Variants in THSD7A observed in about 807,000 individuals in gnomAD.
THSD7A encodes the protein thrombospondin type-1 domain-containing protein 7A.
In THSD7A, 96 loss-of-function variants were observed where a neutral mutation model predicts 231.3. The observed-to-expected ratio is 0.41, with a 90% CI of 0.35 to 0.49. The LOEUF (loss-of-function observed/expected upper bound fraction) is 0.49, where lower values mean the gene tolerates loss of function less well. THSD7A is among the 20% of genes least tolerant of loss of function. The probability of loss-of-function intolerance (pLI) is 0.05; values close to 1 mark genes in which losing one functional copy is unlikely to be tolerated. For missense variants in THSD7A, 2,290 were observed against 2,070.2 expected (o/e 1.11, Z -2.06); for synonymous variants, 940 against 743.3 (o/e 1.26, Z -4.30).
chr7:11,462,191 A>G lies in THSD7A; in HGVS notation c.2369-48T>C, dbSNP rs374488770. On this transcript the variant is annotated intron_variant, in intron 9 of 27. Coordinates refer to ENST00000423059, the MANE Select transcript of THSD7A (RefSeq NM_015204.3). ...CCTCTGTACTTTACACTGATGAGAT[A>G]ATCTCTAAATACCAGTCTGTGTGAA... The G allele has an allele frequency of 2.4e-5, 38 of 1,599,742 alleles. No individual in the cohort carries two copies. The African/African-American group carries it at 4.7e-4, about 20-fold the overall frequency.
chr7:11,782,475 C>T (rs1001277325), intron 1 of THSD7A, among the ~76,000 whole-genome samples: 14 of 152,026 alleles, frequency 9.2e-5, no homozygotes, highest in Admixed American at 3.9e-4. Flanking sequence ...TAGTATTTAC[C>T]GAAATGAATT....
intron 3 of THSD7A, among the ~76,000 whole-genome samples, chr7:11,591,390 G>A (rs1028366659): frequency 6.6e-6 from 1 of 152,010 alleles, no homozygotes; most frequent in African/African-American, 2.4e-5. Context: ...GGAAGTGATG[G>A]CATTTCTCCA....
Position 11,411,067 on chromosome 7 carries a change from G to A in THSD7A, c.3798+140C>T. The A allele has an allele frequency of 1.7e-6, 1 of 598,650 alleles. No individual in the cohort carries two copies. Among genetic ancestry groups the A allele is most frequent in the South Asian group, 2.3e-5 (1 of 43,652 alleles). The allele number at this position is 598,650 out of a possible 1,614,324, so 37.1% of individuals were successfully genotyped here. On this transcript the variant is annotated intron_variant, in intron 19 of 27. Transcript: ENST00000423059. This position sits in a 1 kb window ranked among gnomAD's most constrained non-coding sequence, Gnocchi z 4.1. Reference sequence around the variant, plus strand: ...AGTGTTGGACATTGTGTCTTTTCAAGAACATACTTAGCCTGTGAACAGTGC... The same window carrying A: ...AGTGTTGGACATTGTGTCTTTTCAAAAACATACTTAGCCTGTGAACAGTGC...
chr7:11,626,285 A>T (rs1045144561), intron 2 of THSD7A, among the ~76,000 whole-genome samples: 2 of 152,148 alleles, frequency 1.3e-5, no homozygotes, highest in Non-Finnish European at 2.9e-5. Flanking sequence ...AATAGTAATT[A>T]TGCAATAATA....
Position 11,636,063 on chromosome 7 carries a change from G to C in THSD7A, c.1022+67C>G, listed in dbSNP as rs1240347003. 4 of 1,386,138 alleles carry C rather than the reference G, an allele frequency of 2.9e-6. No individual in the cohort carries two copies. The highest frequency in any genetic ancestry group is 1.5e-5 in the African/African-American group (1 of 68,954). 85.9% of individuals were successfully genotyped at this position (1,386,138 alleles called of 1,614,324 possible). On this transcript the variant is annotated intron_variant, in intron 2 of 27. Coordinates refer to ENST00000423059, the MANE Select transcript of THSD7A (RefSeq NM_015204.3). This position sits in a 1 kb window ranked among gnomAD's most constrained non-coding sequence, Gnocchi z 10.0. ...AATCCAGAAGTTATTAGATAGTACC[G>C]GATATCTTAGGTACTCATGATTCTT...
chr7:11,824,025 C>A (rs541632055), intron 1 of THSD7A, among the ~76,000 whole-genome samples: 1 of 152,086 alleles, frequency 6.6e-6, no homozygotes, highest in East Asian at 1.9e-4. Flanking sequence ...AGAAACAATT[C>A]TACTGTGACA....
At chr7:11,457,259 G>T (rs2128297166) in intron 11 of THSD7A, among the ~76,000 whole-genome samples, 1 of 151,928 alleles carries the variant, frequency 6.6e-6, no homozygotes, top group Middle Eastern at 3.4e-3. Flanking sequence ...GGCTAACCCT[G>T]CCATGGCCTC....
At chr7:11,511,748 T>G (rs997517227) in intron 6 of THSD7A, among the ~76,000 whole-genome samples, 4 of 152,232 alleles carry the variant, frequency 2.6e-5, no homozygotes, top group African/African-American at 9.7e-5. Flanking sequence ...AAGCTGAAAC[T>G]GGATCCCTTC....
At chr7:11,575,429 T>TC (rs972081256) in intron 4 of THSD7A, among the ~76,000 whole-genome samples, 1 of 152,186 alleles carries the variant, frequency 6.6e-6, no homozygotes, top group Admixed American at 6.5e-5. Context: ...TAGGCCTGGA[T>TC]CCCCTGTAGA....
chr7:11,637,971 C>A lies in THSD7A; in HGVS notation c.191-1010G>T, dbSNP rs1158051413. On this transcript the variant is annotated intron_variant, in intron 1 of 27. Transcript: ENST00000423059. The surrounding 1 kb of genome is among the most constrained non-coding windows in gnomAD (Gnocchi z 4.2). The stretch of plus-strand genomic sequence containing the variant: ...AAGTACATGATTTTCAAAAAGTATT[C>A]CATGAATTTGAGAAATTGTTTGATG... Among the ~76,000 whole-genome samples the A allele has an allele frequency of 6.7e-6, 1 of 149,600 alleles. No individual in the cohort carries two copies. Among genetic ancestry groups the A allele is most frequent in the Non-Finnish European group, 1.5e-5 (1 of 67,024 alleles).
chr7:11,654,598 G>C (rs1251183662), intron 1 of THSD7A, among the ~76,000 whole-genome samples: 3 of 151,686 alleles, frequency 2.0e-5, no homozygotes, highest in Non-Finnish European at 2.9e-5. Flanking sequence ...TTTCTCCTTC[G>C]ATATTAAATT....
chr7:11,787,209 C>T (rs1174838160), intron 1 of THSD7A, among the ~76,000 whole-genome samples: 2 of 151,742 alleles, frequency 1.3e-5, no homozygotes, highest in African/African-American at 4.8e-5. Flanking sequence ...ACTTTCACCG[C>T]AAAAAAATAT....
chr7:11,739,353 A>G (rs763746593), intron 1 of THSD7A, among the ~76,000 whole-genome samples: 15 of 152,024 alleles, frequency 9.9e-5, no homozygotes, highest in South Asian at 2.1e-4. Context: ...TATGCATGGA[A>G]TAACACTTAT....
chr7:11,550,956 G>C (rs58824165), intron 4 of THSD7A, among the ~76,000 whole-genome samples: 38,328 of 151,882 alleles, frequency 0.25, 4,917 homozygotes, highest in Middle Eastern at 0.38. Flanking sequence ...GTACTACAAG[G>C]CTGTAGTAAC....
chr7:11,488,993 G>T lies in THSD7A; in HGVS notation c.1823-7011C>A, dbSNP rs116699599. On this transcript the variant is annotated intron_variant, in intron 6 of 27. Coordinates refer to ENST00000423059, the MANE Select transcript of THSD7A (RefSeq NM_015204.3). ...TTTCTCAAATGCCCCAGATGGAGTTGTGCTCTGCCCTGTCTGCTCCCATAG... is the reference window on the plus strand; with the variant it reads ...TTTCTCAAATGCCCCAGATGGAGTTTTGCTCTGCCCTGTCTGCTCCCATAG... 9.5e-3 allele frequency among the ~76,000 whole-genome samples: 1,445 copies of T among 152,146 alleles called. 30 individuals are homozygous for T. Among genetic ancestry groups the T allele is most frequent in the African/African-American group, 0.033 (1,378 of 41,518 alleles).
chr7:11,657,717 G>T (rs965986580), intron 1 of THSD7A, among the ~76,000 whole-genome samples: 1 of 151,702 alleles, frequency 6.6e-6, no homozygotes, highest in African/African-American at 2.4e-5. Flanking sequence ...TAAGAACTTT[G>T]TCACGTTCCT....
chr7:11,638,053 T>A (rs768471142), intron 1 of THSD7A, among the ~76,000 whole-genome samples: 1 of 152,194 alleles, frequency 6.6e-6, no homozygotes, highest in East Asian at 1.9e-4. Context: ...ACATGTGGGG[T>A]GGGCTCTAGT....
At chr7:11,426,159 A>G (rs1784315256) in intron 15 of THSD7A, among the ~76,000 whole-genome samples, 1 of 152,236 alleles carries the variant, frequency 6.6e-6, no homozygotes, top group Non-Finnish European at 1.5e-5. Context: ...TATTAAAAAT[A>G]GAACTAAATA....
intron 1 of THSD7A, among the ~76,000 whole-genome samples, chr7:11,701,251 C>G (rs774803048): frequency 1.3e-5 from 2 of 150,970 alleles, no homozygotes; most frequent in African/African-American, 4.8e-5. Flanking sequence ...TATAGTAAAT[C>G]CATTATCAGA....
Sources: allele counts gnomAD v4.1 joint callset (sites outside exome capture counted in the v4.1 genomes callset), GRCh38; gene constraint gnomAD v4.1.1; non-coding constraint Gnocchi (gnomAD v3.1); transcripts MANE v1.5; gene names NCBI Gene and HGNC (gene_info 2026-07-23, HGNC 2026-07-21).